PPP3CC: variants seen among roughly 807,000 people sequenced by gnomAD.
PPP3CC encodes the protein protein phosphatase 3 catalytic subunit gamma.
In PPP3CC, 35 loss-of-function variants were observed where a neutral mutation model predicts 60.3. The observed-to-expected ratio is 0.58, with a 90% CI of 0.44 to 0.77. The LOEUF is 0.77. Ranked by LOEUF, PPP3CC falls within the 30% of genes least tolerant of loss-of-function variation. The probability of loss-of-function intolerance (pLI) is 0.00; values close to 1 mark genes in which losing one functional copy is unlikely to be tolerated. For synonymous variants in PPP3CC, 206 were observed against 224.3 expected, an observed-to-expected ratio of 0.92 and a Z score of 0.73; for missense variants, 570 against 628.9, an observed-to-expected ratio of 0.91 and a Z score of 1.00.
intron 3 of PPP3CC, among the ~76,000 whole-genome samples, chr8:22,484,656 C>G (rs1332227148): frequency 1.3e-5 from 2 of 152,148 alleles, no homozygotes; most frequent in South Asian, 2.1e-4. Context: ...AAGGTCTGTT[C>G]AGTATTTTAT....
intron 8 of PPP3CC, chr8:22,523,544 C>A (rs1466709737): frequency 9.4e-6 from 3 of 318,792 alleles, no homozygotes; most frequent in South Asian, 2.5e-5. Context: ...GAGTATTGTC[C>A]CTTCAAAGTA....
intron 3 of PPP3CC, among the ~76,000 whole-genome samples, chr8:22,485,870 G>A (rs1238341929): frequency 6.6e-6 from 1 of 152,198 alleles, no homozygotes; most frequent in Non-Finnish European, 1.5e-5. Flanking sequence ...GTAAGGTTCT[G>A]GAGAGCTTGC....
intron 3 of PPP3CC, among the ~76,000 whole-genome samples, chr8:22,479,488 C>T (rs1837996862): frequency 6.6e-6 from 1 of 151,872 alleles, no homozygotes; most frequent in South Asian, 2.1e-4. Context: ...GTGTCAAAGT[C>T]AAATAAAATA....
At chr8:22,511,406 G>C (rs1472132715) in intron 5 of PPP3CC, among the ~76,000 whole-genome samples, 175 bp downstream of exon 5, 5 of 151,908 alleles carry the variant, frequency 3.3e-5, no homozygotes, top group Non-Finnish European at 5.9e-5. Flanking sequence ...CGAGTAGCTG[G>C]ATACAGGTGC....
At chr8:22,491,189 G>A (rs1452539418) in intron 3 of PPP3CC, among the ~76,000 whole-genome samples, 1 of 152,090 alleles carries the variant, frequency 6.6e-6, no homozygotes, top group Non-Finnish European at 1.5e-5. Context: ...TAGGTTTTAT[G>A]AACAAAATCG....
chr8:22,535,998 C>T (rs987962840), intron 12 of PPP3CC, among the ~76,000 whole-genome samples: 1 of 152,214 alleles, frequency 6.6e-6, no homozygotes, highest in Non-Finnish European at 1.5e-5. Flanking sequence ...TCCCAAAGTG[C>T]TAGGATTACA....
intron 12 of PPP3CC, among the ~76,000 whole-genome samples, chr8:22,537,862 A>G (rs1446179342): frequency 1.3e-5 from 2 of 152,214 alleles, no homozygotes; most frequent in Admixed American, 1.3e-4. Context: ...CTAGAGAGAA[A>G]GTAGATTCGT....
chr8:22,534,266 A>C (rs1839794425), intron 12 of PPP3CC, among the ~76,000 whole-genome samples: 1 of 150,292 alleles, frequency 6.7e-6, no homozygotes. Flanking sequence ...CTAAAAATTA[A>C]AAGTTTGGGC....
chr8:22,449,474 G>GAAAAAAAAAAAAAAAAAAAAAAAAAAAA (rs1554526851), intron 1 of PPP3CC, among the ~76,000 whole-genome samples: 1 of 132,718 alleles, frequency 7.5e-6, no homozygotes, highest in African/African-American at 2.9e-5. Flanking sequence ...AAAAAAAAAG[G>GAAAAAAAAAAAAAAAAAAAAAAAAAAAA]AAATGCCTCA....
chr8:22,502,939 A>G (rs1838804426), intron 4 of PPP3CC, among the ~76,000 whole-genome samples: 1 of 152,110 alleles, frequency 6.6e-6, no homozygotes, highest in Non-Finnish European at 1.5e-5. Flanking sequence ...GCTAATCTCA[A>G]ACTCATGCAA....
At chr8:22,531,191 C>G in intron 10 of PPP3CC, 1 of 1,006,160 alleles carries the variant, frequency 9.9e-7, no homozygotes, top group Non-Finnish European at 1.5e-6. Flanking sequence ...GCCTGTTTCT[C>G]TCATTGCATT....
intron 6 of PPP3CC, among the ~76,000 whole-genome samples, chr8:22,521,060 G>C (rs1839392803): frequency 6.6e-6 from 1 of 152,164 alleles, no homozygotes; most frequent in Admixed American, 6.5e-5. Flanking sequence ...ACAGTCAGTG[G>C]GCGTACCACT....
At chr8:22,531,210 A>AT (rs1026806422) in intron 10 of PPP3CC, 1,412 of 1,237,420 alleles carry the variant, frequency 1.1e-3, no homozygotes, top group Non-Finnish European at 1.4e-3. Context: ...TTTCACTTTG[A>AT]TTTTTTTTTC....
At chr8:22,475,821 A>C (rs1013788184) in intron 3 of PPP3CC, among the ~76,000 whole-genome samples, 197 bp downstream of exon 3, 1 of 152,190 alleles carries the variant, frequency 6.6e-6, no homozygotes. Context: ...AAATCTGACA[A>C]ATAGGCTATA....
At chr8:22,478,044 G>T (rs547006695) in intron 3 of PPP3CC, among the ~76,000 whole-genome samples, 1 of 152,156 alleles carries the variant, frequency 6.6e-6, no homozygotes, top group Admixed American at 6.5e-5. Context: ...TAGAGACGGG[G>T]TTTCACCATC....
intron 8 of PPP3CC, among the ~76,000 whole-genome samples, chr8:22,525,564 T>C (rs1330017959): frequency 1.3e-3 from 188 of 141,618 alleles, no homozygotes; most frequent in African/African-American, 4.6e-3. Flanking sequence ...CTCTCTTTCT[T>C]TCTCTCTCTC....
intron 1 of PPP3CC, among the ~76,000 whole-genome samples, chr8:22,445,562 T>C (rs1394125229): frequency 6.6e-6 from 1 of 152,206 alleles, no homozygotes; most frequent in East Asian, 1.9e-4. Flanking sequence ...GCTTTTGTTA[T>C]GCAAATATTT....
intron 3 of PPP3CC, among the ~76,000 whole-genome samples, chr8:22,491,761 G>T (rs745346407): frequency 1.3e-5 from 2 of 151,956 alleles, no homozygotes; most frequent in Non-Finnish European, 2.9e-5. Flanking sequence ...TTGATTTGAT[G>T]TAATTTGATT....
At chr8:22,534,746 AACTGTATTCTATTTATACAATGGAATAAT>A (rs1286561544) in intron 12 of PPP3CC, among the ~76,000 whole-genome samples, 2 of 152,250 alleles carry the variant, frequency 1.3e-5, no homozygotes, top group Non-Finnish European at 2.9e-5. Context: ...TAAATAAATA[AACTGTATTCTATTTATACAATGGAATAAT>A]ACTCAGCAAT....
Sources: allele counts gnomAD v4.1 joint callset (sites outside exome capture counted in the v4.1 genomes callset), GRCh38; gene constraint gnomAD v4.1.1; transcripts MANE v1.5; gene names NCBI Gene and HGNC (gene_info 2026-07-23, HGNC 2026-07-21).